Variants in MATN2 observed in about 807,000 individuals in gnomAD.
The protein encoded by MATN2 is matrilin-2.
Under a neutral mutation model 103.2 loss-of-function variants are expected in MATN2, and 69 were observed. The observed-to-expected ratio is 0.67, with a 90% CI of 0.55 to 0.82. The LOEUF is 0.82. Among genes scored for constraint, MATN2 ranks in the 40% least tolerant of loss-of-function variants. The probability of loss-of-function intolerance (pLI) is 0.00; values close to 1 mark genes in which losing one functional copy is unlikely to be tolerated. For missense variants in MATN2, 1,023 were observed against 1,211.5 expected (o/e 0.84, Z 2.31); for synonymous variants, 429 against 450.2 (o/e 0.95, Z 0.60).
chr8:97,998,126 G>C (rs1812652409), intron 7 of MATN2, among the ~76,000 whole-genome samples: 1 of 151,360 alleles, frequency 6.6e-6, no homozygotes, highest in Non-Finnish European at 1.5e-5. Context: ...AGCCGAAAAG[G>C]GTGGTATTTG....
At chr8:97,907,879 T>C (rs973787486) in intron 2 of MATN2, among the ~76,000 whole-genome samples, 6 of 152,202 alleles carry the variant, frequency 3.9e-5, no homozygotes, top group African/African-American at 1.4e-4. Flanking sequence ...CTTTGACGCC[T>C]ATAATCCCAG....
chr8:97,985,508 A>C (rs1812163452), intron 6 of MATN2, among the ~76,000 whole-genome samples: 1 of 152,220 alleles, frequency 6.6e-6, no homozygotes, highest in Non-Finnish European at 1.5e-5. Context: ...TCTCCAAATC[A>C]CAGGACACTT....
At position 97,888,072 on chromosome 8, in the gene MATN2, C is replaced by T; in HGVS notation, c.-26-3C>T. The T allele has an allele frequency of 1.2e-6, 2 of 1,603,858 alleles. No individual in the cohort carries two copies. The highest frequency in any genetic ancestry group is 2.7e-5 in the African/African-American group (2 of 74,386). ...CCCTCTTCTTGTGTTGTGTTTGTCA[C>T]AGCCTTGCCCCTCTTGCTCGCCTTG... On this transcript the variant is annotated splice_region_variant and splice_polypyrimidine_tract_variant and intron_variant, in intron 1 of 18. Coordinates refer to ENST00000254898, the MANE Select transcript of MATN2 (RefSeq NM_002380.5).
chr8:97,886,675 G>C (rs1353700661), intron 1 of MATN2, among the ~76,000 whole-genome samples: 1 of 152,142 alleles, frequency 6.6e-6, no homozygotes, highest in African/African-American at 2.4e-5. Flanking sequence ...TCCATTCCCA[G>C]GTCAATTTCT....
intron 2 of MATN2, among the ~76,000 whole-genome samples, chr8:97,924,085 G>A (rs1381211805): frequency 1.3e-5 from 2 of 151,974 alleles, no homozygotes; most frequent in Admixed American, 6.6e-5. Context: ...AATTCTATAG[G>A]GAATCACTAT....
intron 10 of MATN2, among the ~76,000 whole-genome samples, chr8:98,013,832 GGT>G (rs1246599214): frequency 6.6e-6 from 1 of 152,220 alleles, no homozygotes; most frequent in Non-Finnish European, 1.5e-5. Flanking sequence ...TTGCAGATAA[GGT>G]GTGGTGGCTC....
chr8:97,987,285 T>A (rs914454393), intron 6 of MATN2, among the ~76,000 whole-genome samples: 2 of 152,080 alleles, frequency 1.3e-5, no homozygotes, highest in Admixed American at 6.6e-5. Context: ...CCGGGGCCTG[T>A]AGCAAGGAGT....
intron 1 of MATN2, among the ~76,000 whole-genome samples, chr8:97,882,870 A>G (rs1033840514): frequency 1.3e-5 from 2 of 151,494 alleles, no homozygotes; most frequent in African/African-American, 2.4e-5. Flanking sequence ...TTTAATTTGT[A>G]TTTTTCTAAT....
chr8:97,920,292 C>T (rs1310504335), intron 2 of MATN2, among the ~76,000 whole-genome samples: 2 of 152,206 alleles, frequency 1.3e-5, no homozygotes, highest in Non-Finnish European at 2.9e-5. Context: ...ACTGCAACCT[C>T]TGCTTTCCAT....
At chr8:97,892,478 C>T (rs1050931278) in intron 2 of MATN2, among the ~76,000 whole-genome samples, 23 of 145,990 alleles carry the variant, frequency 1.6e-4, no homozygotes, top group African/African-American at 4.3e-4. Flanking sequence ...AATCTTGTAA[C>T]GGTCTGGCTT....
intron 2 of MATN2, among the ~76,000 whole-genome samples, chr8:97,908,277 T>C (rs921204599): frequency 6.6e-6 from 1 of 151,960 alleles, no homozygotes; most frequent in African/African-American, 2.4e-5. Flanking sequence ...AAAGTCACTT[T>C]GTAAGTTGCA....
At chr8:97,883,787 C>T (rs1192075806) in intron 1 of MATN2, among the ~76,000 whole-genome samples, 3 of 152,106 alleles carry the variant, frequency 2.0e-5, no homozygotes, top group South Asian at 2.1e-4. Context: ...ATCTCCTGAC[C>T]TCGTGATCTG....
intron 2 of MATN2, among the ~76,000 whole-genome samples, chr8:97,915,080 G>A (rs1809575702): frequency 6.6e-6 from 1 of 152,086 alleles, no homozygotes; most frequent in Admixed American, 6.6e-5. Flanking sequence ...TTGACCTCTT[G>A]GGCTCAAGCG....
At chr8:97,983,608 G>A (rs972914553) in intron 6 of MATN2, among the ~76,000 whole-genome samples, 4 of 152,152 alleles carry the variant, frequency 2.6e-5, no homozygotes, top group Admixed American at 6.5e-5. Context: ...ATGCCTGTAA[G>A]GATGAATAAA....
At chr8:97,994,029 T>C (rs1449937395) in intron 6 of MATN2, among the ~76,000 whole-genome samples, 3 of 74,546 alleles carry the variant, frequency 4.0e-5, no homozygotes, top group African/African-American at 4.9e-5. Flanking sequence ...ATAATAATAA[T>C]AGAAGAAGAA....
chr8:97,914,473 C>G (rs1200059561), intron 2 of MATN2, among the ~76,000 whole-genome samples: 2 of 149,000 alleles, frequency 1.3e-5, no homozygotes, highest in African/African-American at 5.0e-5. Context: ...AGGGCTCAAG[C>G]CATCCTCCTG....
At chr8:97,911,898 T>C (rs1208223145) in intron 2 of MATN2, among the ~76,000 whole-genome samples, 56 of 152,176 alleles carry the variant, frequency 3.7e-4, no homozygotes, top group Admixed American at 3.7e-3. Flanking sequence ...TATTTGACTC[T>C]TACTTTGCGC....
At chr8:97,886,029 G>A (rs192522603) in intron 1 of MATN2, among the ~76,000 whole-genome samples, 4 of 152,228 alleles carry the variant, frequency 2.6e-5, no homozygotes, top group Admixed American at 2.0e-4. Flanking sequence ...CACCAGCACC[G>A]TTAGATCCAT....
chr8:97,878,668 G>T (rs1818157360), intron 1 of MATN2, among the ~76,000 whole-genome samples: 1 of 151,906 alleles, frequency 6.6e-6, no homozygotes, highest in Admixed American at 6.6e-5. Context: ...TAGCCAACGT[G>T]GTGAAACCCC....
Sources: allele counts gnomAD v4.1 joint callset (sites outside exome capture counted in the v4.1 genomes callset), GRCh38; gene constraint gnomAD v4.1.1; transcripts MANE v1.5; gene names NCBI Gene and HGNC (gene_info 2026-07-23, HGNC 2026-07-21).